The following RGS7 variants were observed in gnomAD, a reference collection of about 807,000 sequenced individuals.
The protein encoded by RGS7 is regulator of G-protein signaling 7.
A neutral mutation model predicts 81.1 loss-of-function variants in RGS7; 27 were observed. The observed-to-expected ratio is 0.33, with a 90% confidence interval of 0.25 to 0.46. The LOEUF is 0.46. Ranked by LOEUF, RGS7 falls within the 20% of genes least tolerant of loss-of-function variation. The probability of loss-of-function intolerance (pLI) is 1.00; values close to 1 mark genes in which losing one functional copy is unlikely to be tolerated. For missense variants in RGS7, 396 were observed against 607.4 expected, an observed-to-expected ratio of 0.65 and a Z score of 3.66; for synonymous variants, 208 against 207.7, an observed-to-expected ratio of 1.00 and a Z score of -0.01.
chr1:241,181,070 C>A (rs2071575325), intron 2 of RGS7, among the ~76,000 whole-genome samples: 1 of 152,144 alleles, frequency 6.6e-6, no homozygotes, highest in Non-Finnish European at 1.5e-5. Flanking sequence ...ATGGATGAAT[C>A]GGCAGAGCAC....
chr1:240,911,158 A>G (rs1342486358), intron 6 of RGS7, among the ~76,000 whole-genome samples: 1 of 151,614 alleles, frequency 6.6e-6, no homozygotes, highest in African/African-American at 2.4e-5. Flanking sequence ...AATAAATCCA[A>G]CTCCCTTCCA....
At chr1:241,238,319 A>G (rs895715483) in intron 2 of RGS7, among the ~76,000 whole-genome samples, 1 of 152,182 alleles carries the variant, frequency 6.6e-6, no homozygotes, top group African/African-American at 2.4e-5. Context: ...TACAGATACT[A>G]TGACCTTGTA....
At chr1:241,211,209 C>T (rs748260535) in intron 2 of RGS7, among the ~76,000 whole-genome samples, 7 of 152,050 alleles carry the variant, frequency 4.6e-5, no homozygotes, top group South Asian at 2.1e-4. Context: ...CACTTGAACC[C>T]GGGAGGGGGA....
chr1:240,782,738 TA>T (rs1558242073), intron 18 of RGS7, among the ~76,000 whole-genome samples: 2 of 152,204 alleles, frequency 1.3e-5, no homozygotes, highest in African/African-American at 4.8e-5. Flanking sequence ...GAGACATTTT[TA>T]TAGCTAAGTT....
At chr1:241,078,501 G>GTGTGTGTGTGTGTGTGTGTGTGTGTA (rs1553411237) in intron 3 of RGS7, among the ~76,000 whole-genome samples, 1 of 151,278 alleles carries the variant, frequency 6.6e-6, no homozygotes, top group African/African-American at 2.4e-5. Context: ...GTGTGTGTGT[G>GTGTGTGTGTGTGTGTGTGTGTGTGTA]TATATACACA....
intron 2 of RGS7, among the ~76,000 whole-genome samples, chr1:241,310,878 G>T (rs2080486409): frequency 6.6e-6 from 1 of 152,294 alleles, no homozygotes. Flanking sequence ...CCCAAAGAAG[G>T]CTACACAATG....
At chr1:241,213,063 A>G (rs939225915) in intron 2 of RGS7, among the ~76,000 whole-genome samples, 1 of 152,194 alleles carries the variant, frequency 6.6e-6, no homozygotes, top group Non-Finnish European at 1.5e-5. Flanking sequence ...TAACCTTCAG[A>G]CAAACGCAGT....
chr1:240,814,168 T>A (rs934273635), intron 12 of RGS7, among the ~76,000 whole-genome samples: 1 of 152,188 alleles, frequency 6.6e-6, no homozygotes, highest in Non-Finnish European at 1.5e-5. Context: ...GTTTTTTAAA[T>A]GTATATAAAA....
intron 9 of RGS7, among the ~76,000 whole-genome samples, chr1:240,842,033 T>C (rs536479125): frequency 6.6e-6 from 1 of 152,170 alleles, no homozygotes; most frequent in African/African-American, 2.4e-5. Flanking sequence ...TATGAAATAC[T>C]GCACGTAAAA....
At chr1:241,190,058 G>A (rs939842892) in intron 2 of RGS7, among the ~76,000 whole-genome samples, 1 of 151,968 alleles carries the variant, frequency 6.6e-6, no homozygotes, top group Non-Finnish European at 1.5e-5. Flanking sequence ...AGCCGAGATG[G>A]CGCCACTGCA....
At chr1:241,002,769 A>G (rs1489279861) in intron 3 of RGS7, among the ~76,000 whole-genome samples, 1 of 152,252 alleles carries the variant, frequency 6.6e-6, no homozygotes, top group Non-Finnish European at 1.5e-5. Flanking sequence ...CCAATAGCAA[A>G]GCAGGCAGAA....
intron 9 of RGS7, among the ~76,000 whole-genome samples, chr1:240,829,892 G>A (rs1693536281): frequency 6.6e-6 from 1 of 152,106 alleles, no homozygotes; most frequent in Non-Finnish European, 1.5e-5. Flanking sequence ...GAAAAATTAG[G>A]ATATAATATC....
chr1:240,835,580 TG>T (rs968309517), intron 9 of RGS7, among the ~76,000 whole-genome samples: 1 of 152,194 alleles, frequency 6.6e-6, no homozygotes, highest in African/African-American at 2.4e-5. Flanking sequence ...TCATCCTCAT[TG>T]GCATTTACCC....
chr1:241,336,378 G>A (rs1573737326), intron 2 of RGS7, among the ~76,000 whole-genome samples: 1 of 152,250 alleles, frequency 6.6e-6, no homozygotes, highest in East Asian at 1.9e-4. Flanking sequence ...TTAAGATTTT[G>A]AAATATTCAA....
At chr1:241,337,623 G>A (rs78181950) in intron 2 of RGS7, among the ~76,000 whole-genome samples, 150 of 152,114 alleles carry the variant, frequency 9.9e-4, no homozygotes, top group African/African-American at 3.4e-3. Flanking sequence ...CTAAATGCAC[G>A]GTTTCCAAAG....
At chr1:241,110,948 G>A (rs990207715) in intron 2 of RGS7, among the ~76,000 whole-genome samples, 7 of 152,030 alleles carry the variant, frequency 4.6e-5, no homozygotes, top group African/African-American at 1.7e-4. Context: ...GCCTCCCAAA[G>A]CTCTGGGATT....
chr1:241,074,884 C>T (rs966813434), intron 3 of RGS7, among the ~76,000 whole-genome samples: 10 of 151,978 alleles, frequency 6.6e-5, no homozygotes, highest in African/African-American at 2.4e-4. Flanking sequence ...GGCTGCATCA[C>T]CACTTAAAAA....
intron 2 of RGS7, among the ~76,000 whole-genome samples, chr1:241,263,731 G>A (rs1043969685): frequency 1.3e-5 from 2 of 152,142 alleles, no homozygotes; most frequent in African/African-American, 4.8e-5. Flanking sequence ...CAATTACAAT[G>A]TGTCAACTTT....
At chr1:240,820,163 G>A (rs1170276654) in intron 10 of RGS7, among the ~76,000 whole-genome samples, 1 of 152,128 alleles carries the variant, frequency 6.6e-6, no homozygotes, top group Non-Finnish European at 1.5e-5. Context: ...ACTAGAAACA[G>A]GTAAGGTTAG....
Sources: gnomAD v4.1 joint callset for allele counts (sites outside exome capture counted in the v4.1 genomes callset) on GRCh38, gnomAD v4.1.1 for gene constraint, MANE v1.5 for transcripts, NCBI Gene and HGNC (gene_info 2026-07-23, HGNC 2026-07-21) for gene names.